The following RIT2 variants were observed in gnomAD, a reference collection of about 807,000 sequenced individuals.
RIT2 encodes the protein GTP-binding protein Rit2.
A neutral mutation model predicts 23.7 loss-of-function variants in RIT2; 24 were observed. That is an observed-to-expected ratio of 1.01 (90% confidence interval 0.73 to 1.43). RIT2 has a LOEUF of 1.43. Ranked by LOEUF, RIT2 falls within the 40% of genes most tolerant of loss-of-function variation. The pLI, the probability that RIT2 is intolerant of heterozygous loss-of-function variation, is 0.00. For missense variants in RIT2, 236 were observed against 266.9 expected (o/e 0.88, Z 0.81); for synonymous variants, 107 against 91.1 (o/e 1.17, Z -0.99).
chr18:42,774,282 C>G (rs1251657705), intron 4 of RIT2, among the ~76,000 whole-genome samples: 1 of 151,850 alleles, frequency 6.6e-6, no homozygotes, highest in Non-Finnish European at 1.5e-5. Flanking sequence ...ATTGCTTTTT[C>G]CCCCACTCTC....
At chr18:43,011,649 A>G (rs1472432206) in intron 2 of RIT2, among the ~76,000 whole-genome samples, 2 of 151,820 alleles carry the variant, frequency 1.3e-5, no homozygotes, top group East Asian at 3.9e-4. Flanking sequence ...GAAGAACTCT[A>G]TATTAAACTT....
intron 4 of RIT2, among the ~76,000 whole-genome samples, chr18:42,886,839 C>T (rs996774557): frequency 6.6e-6 from 1 of 152,056 alleles, no homozygotes; most frequent in African/African-American, 2.4e-5. Flanking sequence ...CTCCTAAATT[C>T]TTTGGGTTAG....
chr18:43,031,842 C>G (rs1366322245), intron 2 of RIT2, among the ~76,000 whole-genome samples: 2 of 151,912 alleles, frequency 1.3e-5, no homozygotes, highest in Non-Finnish European at 2.9e-5. Flanking sequence ...AAAAAGTATC[C>G]TTGATAGGTG....
intron 3 of RIT2, among the ~76,000 whole-genome samples, chr18:42,929,407 A>C (rs1909272812): frequency 6.6e-6 from 1 of 152,100 alleles, no homozygotes; most frequent in African/African-American, 2.4e-5. Flanking sequence ...ATACTGACGG[A>C]AGCTTCAAGC....
chr18:43,061,033 G>A (rs1328377345), intron 1 of RIT2, among the ~76,000 whole-genome samples: 1 of 152,018 alleles, frequency 6.6e-6, no homozygotes, highest in Non-Finnish European at 1.5e-5. Flanking sequence ...CTGTGACCAA[G>A]ATATTGTAAT....
intron 4 of RIT2, among the ~76,000 whole-genome samples, chr18:42,914,291 C>T (rs905614995): frequency 3.9e-5 from 6 of 152,032 alleles, no homozygotes; most frequent in South Asian, 2.1e-4. Context: ...TTTGCTCTTG[C>T]GCATTTATTC....
At chr18:42,983,261 A>G (rs2144216653) in intron 2 of RIT2, among the ~76,000 whole-genome samples, 1 of 152,252 alleles carries the variant, frequency 6.6e-6, no homozygotes, top group East Asian at 1.9e-4. Context: ...TAGTGGAGGA[A>G]AAAATAAGCG....
chr18:42,980,834 G>A (rs770576398), intron 2 of RIT2, among the ~76,000 whole-genome samples: 4 of 152,098 alleles, frequency 2.6e-5, no homozygotes, highest in Non-Finnish European at 5.9e-5. Context: ...AGATGGAGAT[G>A]TATTTGATAA....
intron 2 of RIT2, among the ~76,000 whole-genome samples, chr18:43,025,560 G>A (rs1210269439): frequency 6.6e-6 from 1 of 151,606 alleles, no homozygotes; most frequent in Non-Finnish European, 1.5e-5. Context: ...ACTGTATAAA[G>A]AAAATATAAC....
At chr18:43,041,211 G>C (rs563290667) in intron 1 of RIT2, among the ~76,000 whole-genome samples, 1 of 152,100 alleles carries the variant, frequency 6.6e-6, no homozygotes, top group South Asian at 2.1e-4. Context: ...TGGCTTTATG[G>C]ATACAAAGAA....
intron 2 of RIT2, among the ~76,000 whole-genome samples, chr18:43,007,311 T>C (rs1020958302): frequency 8.6e-5 from 13 of 151,712 alleles, no homozygotes; most frequent in Non-Finnish European, 1.5e-4. Context: ...ACAACTATTT[T>C]TAAAATGTGA....
At chr18:42,851,380 GAT>G (rs923214869) in intron 4 of RIT2, among the ~76,000 whole-genome samples, 56 of 152,284 alleles carry the variant, frequency 3.7e-4, no homozygotes, top group Middle Eastern at 3.4e-3. Flanking sequence ...AACATCTAGA[GAT>G]ATGTGTTTGG....
At chr18:42,949,746 C>A (rs1909806490) in intron 3 of RIT2, among the ~76,000 whole-genome samples, 1 of 152,034 alleles carries the variant, frequency 6.6e-6, no homozygotes, top group Admixed American at 6.6e-5. Flanking sequence ...GATTAATAAT[C>A]TGAGACTTGT....
intron 2 of RIT2, among the ~76,000 whole-genome samples, chr18:43,026,272 T>C (rs1911714596): frequency 6.6e-6 from 1 of 151,860 alleles, no homozygotes; most frequent in Non-Finnish European, 1.5e-5. Context: ...ATAAGAAAGG[T>C]TGGCCGGGCA....
chr18:43,083,741 G>A (rs1328064989), intron 1 of RIT2, among the ~76,000 whole-genome samples: 2 of 152,080 alleles, frequency 1.3e-5, no homozygotes, highest in South Asian at 4.1e-4. Context: ...ACTCAAAGTG[G>A]ACTAAAGAAT....
intron 1 of RIT2, among the ~76,000 whole-genome samples, chr18:43,087,077 C>T (rs1913301144): frequency 6.6e-6 from 1 of 151,938 alleles, no homozygotes; most frequent in Admixed American, 6.6e-5. Flanking sequence ...TAGCAAAATC[C>T]TGTCTCTACT....
intron 2 of RIT2, among the ~76,000 whole-genome samples, chr18:43,028,344 G>C (rs919473134): frequency 6.6e-6 from 1 of 152,036 alleles, no homozygotes; most frequent in African/African-American, 2.4e-5. Flanking sequence ...TAAGGTACAG[G>C]AGAGTATCTT....
intron 4 of RIT2, among the ~76,000 whole-genome samples, chr18:42,867,027 T>C (rs1383450598): frequency 6.6e-6 from 1 of 152,180 alleles, no homozygotes; most frequent in Non-Finnish European, 1.5e-5. Flanking sequence ...TCAGCAACAT[T>C]GAGCCATCAT....
At chr18:42,990,100 C>A (rs1342217214) in intron 2 of RIT2, among the ~76,000 whole-genome samples, 1 of 151,756 alleles carries the variant, frequency 6.6e-6, no homozygotes, top group Non-Finnish European at 1.5e-5. Flanking sequence ...CTGCAGCCAA[C>A]ATGCTGGAGA....
Sources: allele counts gnomAD v4.1 joint callset (sites outside exome capture counted in the v4.1 genomes callset), GRCh38; gene constraint gnomAD v4.1.1; transcripts MANE v1.5; gene names NCBI Gene and HGNC (gene_info 2026-07-23, HGNC 2026-07-21).